The following RALGAPA2 variants were observed in gnomAD, a reference collection of about 807,000 sequenced individuals.
The protein encoded by RALGAPA2 is ral GTPase-activating protein subunit alpha-2.
A neutral mutation model predicts 230.4 loss-of-function variants in RALGAPA2; 139 were observed. The ratio of observed to expected loss-of-function variants is 0.60; its 90% confidence interval spans 0.53 to 0.69. The LOEUF is 0.69. RALGAPA2 is among the 30% of genes least tolerant of loss of function. RALGAPA2 has a pLI of 0.00. For missense variants in RALGAPA2, 2,163 were observed against 2,276.0 expected (o/e 0.95, Z 1.01); for synonymous variants, 847 against 837.8 (o/e 1.01, Z -0.19).
At chr20:20,552,336 C>T (rs936384064) in intron 23 of RALGAPA2, among the ~76,000 whole-genome samples, 3 of 152,146 alleles carry the variant, frequency 2.0e-5, no homozygotes, top group Non-Finnish European at 4.4e-5. Flanking sequence ...CGTCCCTCCA[C>T]GAGGCCAGAC....
Position 20,520,968 on chromosome 20 carries a change from C to T in RALGAPA2, c.4033G>A (p.Val1345Ile), listed in dbSNP as rs747044812. 1 of 1,613,902 alleles carries T rather than the reference C, an allele frequency of 6.2e-7. No homozygotes were observed. The highest frequency in any genetic ancestry group is 1.7e-5 in the Admixed American group (1 of 60,018). Residue 1345 changes from valine (V) to isoleucine (I), a missense_variant, in exon 31 of 40, where the codon GTC becomes ATC. Coordinates refer to ENST00000202677, the MANE Select transcript of RALGAPA2 (RefSeq NM_020343.4). ...PLANVKSSEPVQYHSSAELGN... is the reference protein window; with the variant it reads ...PLANVKSSEPIQYHSSAELGN... ...AATTCTGCTGATGAATGATACTGGA[C>T]TGGCTCAGAGCTCTTCACATTTGCC...
chr20:20,471,583 A>T lies in RALGAPA2; in HGVS notation c.5495+1246T>A, dbSNP rs541628001. 3.3e-5 allele frequency: 5 copies of T among 152,314 alleles called. No homozygotes were observed. In the East Asian group the frequency reaches 5.8e-4, roughly 18 times the overall value. 9.4% of individuals were successfully genotyped at this position (152,314 alleles called of 1,614,324 possible). A position where few individuals can be genotyped will look rare whatever the true frequency, so the allele number is the denominator to read the frequency against. ...TATGTGAAATAAAAACTCCATGCTG[A>T]AGGCCAAATTGACACCAGCCACAAG... On this transcript the variant is annotated intron_variant, in intron 37 of 39. Transcript: ENST00000202677.
chr20:20,398,976 T>A lies in RALGAPA2; in HGVS notation c.5618-2242A>T, dbSNP rs1253721011. On this transcript the variant is annotated intron_variant, in intron 38 of 39. Transcript: ENST00000202677. The surrounding 1 kb of genome is among the most constrained non-coding windows in gnomAD (Gnocchi z 4.5). ...AGTAAACAGATACACAGTGTTTCTG[T>A]GGTGTTTCAGGGGAGGGGACAAATT... is the stretch of plus-strand genomic sequence containing the variant. 1.3e-5 allele frequency among the ~76,000 whole-genome samples: 2 copies of A among 152,072 alleles called. No individual in the cohort carries two copies. Among genetic ancestry groups the A allele is most frequent in the Admixed American group, 6.5e-5 (1 of 15,274 alleles).
intron 36 of RALGAPA2, among the ~76,000 whole-genome samples, chr20:20,490,665 CG>C (rs1484671576): frequency 1.3e-5 from 2 of 152,110 alleles, no homozygotes; most frequent in African/African-American, 4.8e-5. Flanking sequence ...CTCCCTATAC[CG>C]TGAGGCCACA....
intron 37 of RALGAPA2, among the ~76,000 whole-genome samples, chr20:20,444,921 G>A (rs918544975): frequency 6.6e-6 from 1 of 152,284 alleles, no homozygotes; most frequent in East Asian, 1.9e-4. Context: ...CGCCGCATGC[G>A]CTGCCTATTA....
At position 20,524,459 on chromosome 20, in the gene RALGAPA2, C is replaced by T. The variant is rs372912568; in HGVS notation, c.3847G>A (p.Val1283Ile). 9.3e-6 allele frequency: 15 copies of T among 1,613,814 alleles called. No individual in the cohort carries two copies. In the African/African-American group the frequency reaches 1.5e-4, roughly 16 times the overall value. ...CTGGCCGAATGCTGCTCCTCTAGGA[C>T]TGCTGTGGACACGGGGTGGAGAAGG... ...SVLLHPVSTA[V>I]LEEQHSARAP... Residue 1283 changes from valine to isoleucine, a missense_variant, in exon 30 of 40, where the codon GTC (valine) becomes ATC (isoleucine). By Grantham distance (29) the Val-to-Ile change is conservative. Coordinates refer to ENST00000202677, the MANE Select transcript of RALGAPA2 (RefSeq NM_020343.4).
intron 26 of RALGAPA2, 35 bp from the exon 27 acceptor site, chr20:20,531,830 A>C: frequency 7.0e-7 from 1 of 1,425,240 alleles, no homozygotes; most frequent in Non-Finnish European, 9.7e-7. Flanking sequence ...GAAAACTCTC[A>C]TGAAACTTAA....
At position 20,571,912 on chromosome 20, in the gene RALGAPA2, T is replaced by C. The variant is rs1455108383; in HGVS notation, c.2936A>G (p.Gln979Arg). The change falls in exon 22 of 40, where the codon CAG becomes CGG. Residue 979 changes from glutamine to arginine, a missense_variant. Physicochemically the swap from Gln to Arg is conservative, Grantham distance 43. Transcript: ENST00000202677. ...CAAAACTGGAGGAGATGGAGAAGAC[T>C]GGTTATCCAGGCTTATTGCTAGATT... ...RDNLAISLDN[Q>R]SSPSPPVLIP... The C allele has an allele frequency of 3.7e-6, 6 of 1,611,264 alleles. No individual in the cohort carries two copies. Among genetic ancestry groups the C allele is most frequent in the Non-Finnish European group, 5.1e-6 (6 of 1,178,442 alleles).
At chr20:20,420,094 G>C (rs2060246111) in intron 37 of RALGAPA2, among the ~76,000 whole-genome samples, 1 of 152,214 alleles carries the variant, frequency 6.6e-6, no homozygotes, top group Non-Finnish European at 1.5e-5. Flanking sequence ...ATGAAGTGGG[G>C]TAAGGAGTGT....
chr20:20,509,759 T>C (rs2062648098), intron 33 of RALGAPA2, among the ~76,000 whole-genome samples: 1 of 152,168 alleles, frequency 6.6e-6, no homozygotes, highest in Non-Finnish European at 1.5e-5. Context: ...AAATGGTCAA[T>C]ACAAACAAAT....
chr20:20,474,872 T>A (rs2061617328), intron 36 of RALGAPA2, among the ~76,000 whole-genome samples: 1 of 152,132 alleles, frequency 6.6e-6, no homozygotes, highest in South Asian at 2.1e-4. Context: ...CACTTAGAGA[T>A]GATGTTTCTA....
chr20:20,571,604 G>T lies in RALGAPA2; in HGVS notation c.3010C>A (p.Leu1004Met), dbSNP rs749443973. The change falls in exon 23 of 40, where the codon CTG becomes ATG. Residue 1004 changes from leucine (L) to methionine (M), a missense_variant. Physicochemically the swap from Leu to Met is conservative, Grantham distance 15. Coordinates refer to ENST00000202677, the MANE Select transcript of RALGAPA2 (RefSeq NM_020343.4). ...TTGCCTTCCTTATATTCATTTGGCA[G>T]TGTCGCCGCCTGTCAAGGAGATGAT... is the stretch of plus-strand genomic sequence containing the variant. ...FASWLFKAAT[L>M]PNEYKEGKLQ... 16 of 1,609,838 alleles carry T rather than the reference G, an allele frequency of 9.9e-6. No homozygotes were observed. In the East Asian group the frequency reaches 3.4e-4, roughly 34 times the overall value.
In RALGAPA2 at chr20:20,472,832, C is replaced by T; in HGVS notation, c.5492G>A (p.Ser1831Asn). The stretch of plus-strand genomic sequence containing the variant: ...CACATTTAAAGCAAAAAGATACAAG[C>T]TCTGGTAGAGTGGGATGAGGCACTT... ...AVKCLIPLYQ[S>N]FYEERALYLE... The change falls in exon 37 of 40, where the codon AGC becomes AAC. Residue 1831 changes from serine to asparagine, a missense_variant. Ser to Asn is a conservative substitution (Grantham distance 46, BLOSUM62 1). Coordinates refer to ENST00000202677, the MANE Select transcript of RALGAPA2 (RefSeq NM_020343.4). 6.2e-7 allele frequency: 1 copy of T among 1,611,606 alleles called. No homozygotes were observed. The highest frequency in any genetic ancestry group is 1.1e-5 in the South Asian group (1 of 90,568).
In RALGAPA2 at chr20:20,458,412, T is replaced by A. The variant is rs931572226; in HGVS notation, c.5495+14417A>T. On this transcript the variant is annotated intron_variant, in intron 37 of 39. Transcript: ENST00000202677. ...ACATTTTTTATACATATAATATATG[T>A]TATATATAATATATATGTATTTTTT... 7.0e-5 allele frequency among the ~76,000 whole-genome samples: 10 copies of A among 143,512 alleles called. 1 individual carries two copies. The highest frequency in any genetic ancestry group is 2.6e-4 in the African/African-American group (10 of 38,762). 94.1% of individuals were successfully genotyped at this position (143,512 alleles called of 152,430 possible).
rs199748029 is a variant in RALGAPA2, at chr20:20,505,655, GGTCA to G, written c.4929-125_4929-122del. 1,600 of 826,776 alleles carry G rather than the reference GGTCA, an allele frequency of 1.9e-3. 19 individuals carry two copies. In the African/African-American group the frequency reaches 0.026, roughly 13 times the overall value. The allele number at this position is 826,776 out of a possible 1,614,324, so 51.2% of individuals were successfully genotyped here. On this transcript the variant is annotated intron_variant, in intron 33 of 39. Transcript: ENST00000202677. Reference sequence around the variant, plus strand: ...TTACATTTACTGAGAACCTGCTAGAGGTCAGTCAGTGTTCTGAGATGGTCTGACA... The same window carrying G: ...TTACATTTACTGAGAACCTGCTAGAGGTCAGTGTTCTGAGATGGTCTGACA...
chr20:20,697,751 C>A (rs2069175411), intron 1 of RALGAPA2, among the ~76,000 whole-genome samples: 2 of 152,142 alleles, frequency 1.3e-5, no homozygotes. Context: ...GACCACCACA[C>A]CTGTACCTGG....
At chr20:20,644,949 C>T (rs1455286653) in intron 4 of RALGAPA2, among the ~76,000 whole-genome samples, 1 of 152,212 alleles carries the variant, frequency 6.6e-6, no homozygotes, top group Non-Finnish European at 1.5e-5. Context: ...ATGATAAAGT[C>T]TGCACAGACA....
chr20:20,454,968 A>G (rs2061076239), intron 37 of RALGAPA2, among the ~76,000 whole-genome samples: 1 of 152,246 alleles, frequency 6.6e-6, no homozygotes, highest in Non-Finnish European at 1.5e-5. Context: ...GAGGGCTGGT[A>G]CAAAGTCTGA....
At chr20:20,505,640 T>C in intron 33 of RALGAPA2, 106 bp from the exon 34 acceptor site, 1 of 989,154 alleles carries the variant, frequency 1.0e-6, no homozygotes, top group Non-Finnish European at 1.4e-6. Flanking sequence ...TTACATTTAC[T>C]GAGAACCTGC....
Sources: gnomAD v4.1 joint callset for allele counts (sites outside exome capture counted in the v4.1 genomes callset) on GRCh38, gnomAD v4.1.1 for gene constraint, Gnocchi (gnomAD v3.1) non-coding constraint, MANE v1.5 for transcripts, NCBI Gene and HGNC (gene_info 2026-07-23, HGNC 2026-07-21) for gene names.